LINGO2: variants seen among roughly 807,000 people sequenced by gnomAD.
LINGO2 encodes leucine-rich repeat and immunoglobulin-like domain-containing nogo receptor-interacting protein 2.
In LINGO2, 14 loss-of-function variants were observed where a neutral mutation model predicts 30.6. The observed-to-expected ratio is 0.46, with a 90% CI of 0.30 to 0.72. The LOEUF (loss-of-function observed/expected upper bound fraction) is 0.72. LINGO2 is among the 30% of genes least tolerant of loss of function. The probability of loss-of-function intolerance (pLI) is 0.07; values close to 1 mark genes in which losing one functional copy is unlikely to be tolerated. For missense variants in LINGO2, 729 were observed against 751.7 expected, an observed-to-expected ratio of 0.97 and a Z score of 0.35; for synonymous variants, 317 against 288.5, an observed-to-expected ratio of 1.10 and a Z score of -1.00.
intron 1 of LINGO2, among the ~76,000 whole-genome samples, chr9:28,512,895 GTTT>G (rs1820468612): frequency 6.6e-6 from 1 of 151,438 alleles, no homozygotes; most frequent in South Asian, 2.1e-4. Flanking sequence ...TCCTTTTCAT[GTTT>G]TTCTGCCTGC....
intron 1 of LINGO2, among the ~76,000 whole-genome samples, chr9:28,589,088 G>C (rs963894349): frequency 4.6e-5 from 7 of 152,046 alleles, no homozygotes; most frequent in African/African-American, 1.2e-4. Context: ...AGGCCTTTGA[G>C]AAAATTCAAC....
At chr9:29,079,160 C>T in the LINGO2 span, among the ~76,000 whole-genome samples, 6 of 151,596 alleles carry the variant, frequency 4.0e-5, no homozygotes, top group Non-Finnish European at 5.9e-5. Flanking sequence ...AAAAATGCTA[C>T]GGTAGATGTG....
In LINGO2 at chr9:28,100,932, G is replaced by C. The variant is rs142753875; in HGVS notation, c.-86-88527C>G. On this transcript the variant is annotated intron_variant, in intron 4 of 5. Transcript: ENST00000379992. ...CTACATTTTGGCAGTGTATTTTAGAGGGTCATTGCATCGGTCAATATATGA... is the reference window on the plus strand; with the variant it reads ...CTACATTTTGGCAGTGTATTTTAGACGGTCATTGCATCGGTCAATATATGA... 3.0e-4 allele frequency among the ~76,000 whole-genome samples: 46 copies of C among 152,216 alleles called. No homozygotes were observed. In the East Asian group the frequency reaches 8.3e-3, roughly 28 times the overall value.
chr9:29,141,141 C>A, the LINGO2 span, among the ~76,000 whole-genome samples: 1 of 151,920 alleles, frequency 6.6e-6, no homozygotes, highest in Admixed American at 6.6e-5. Context: ...AATACAGAAT[C>A]CTGTAATACA....
chr9:28,167,252 A>C (rs2133632320), intron 4 of LINGO2, among the ~76,000 whole-genome samples: 1 of 150,270 alleles, frequency 6.7e-6, no homozygotes, highest in African/African-American at 2.4e-5. Context: ...ATGCTCTGTT[A>C]GGGATCCCCA....
the LINGO2 span, among the ~76,000 whole-genome samples, chr9:28,771,326 C>A: frequency 6.6e-6 from 1 of 151,540 alleles, no homozygotes; most frequent in Non-Finnish European, 1.5e-5. Flanking sequence ...AAAGATCTTG[C>A]AACATTGCTC....
At chr9:28,463,245 G>C (rs559517639) in intron 2 of LINGO2, among the ~76,000 whole-genome samples, 1 of 151,972 alleles carries the variant, frequency 6.6e-6, no homozygotes, top group African/African-American at 2.4e-5. Flanking sequence ...TTGTATAGGA[G>C]AGCTTAGCCA....
the LINGO2 span, among the ~76,000 whole-genome samples, chr9:28,726,644 T>G: frequency 6.6e-6 from 1 of 152,076 alleles, no homozygotes; most frequent in Non-Finnish European, 1.5e-5. Flanking sequence ...CTATAGCAAA[T>G]AAGCAGACAG....
At chr9:28,486,960 C>G (rs968164249) in intron 1 of LINGO2, among the ~76,000 whole-genome samples, 87 of 151,902 alleles carry the variant, frequency 5.7e-4, no homozygotes, top group Non-Finnish European at 2.9e-4. Flanking sequence ...GAGTGCCAAG[C>G]AGAGACAGCG....
chr9:28,185,758 G>A (rs1819518701), intron 4 of LINGO2, among the ~76,000 whole-genome samples: 1 of 152,102 alleles, frequency 6.6e-6, no homozygotes, highest in South Asian at 2.1e-4. Flanking sequence ...CAGTCCAGGA[G>A]AATGATATGG....
At chr9:28,832,255 C>T in the LINGO2 span, among the ~76,000 whole-genome samples, 1 of 152,148 alleles carries the variant, frequency 6.6e-6, no homozygotes, top group African/African-American at 2.4e-5. Context: ...ATTTATCTGA[C>T]TTAATGAAAA....
the LINGO2 span, among the ~76,000 whole-genome samples, chr9:28,979,083 T>A: frequency 6.6e-6 from 1 of 152,114 alleles, no homozygotes; most frequent in Non-Finnish European, 1.5e-5. Context: ...CTCTTTTGTT[T>A]TTAATCTTTT....
chr9:29,178,394 T>C, the LINGO2 span, among the ~76,000 whole-genome samples: 6 of 152,174 alleles, frequency 3.9e-5, no homozygotes, highest in African/African-American at 1.2e-4. Flanking sequence ...CTTGAATTTA[T>C]TTATACATTC....
chr9:29,058,781 AAC>A, the LINGO2 span, among the ~76,000 whole-genome samples: 1 of 151,998 alleles, frequency 6.6e-6, no homozygotes, highest in African/African-American at 2.4e-5. Flanking sequence ...CTTCTCATCA[AAC>A]ACAACGTAAC....
At chr9:28,943,648 T>C in the LINGO2 span, among the ~76,000 whole-genome samples, 1 of 152,058 alleles carries the variant, frequency 6.6e-6, no homozygotes, top group African/African-American at 2.4e-5. Flanking sequence ...ACAATGCACA[T>C]GCATGAAAGG....
chr9:28,694,951 T>A, the LINGO2 span, among the ~76,000 whole-genome samples: 2 of 144,566 alleles, frequency 1.4e-5, no homozygotes, highest in Non-Finnish European at 3.0e-5. Flanking sequence ...TTATCCTGAC[T>A]GTTTTTTTTT....
intron 4 of LINGO2, among the ~76,000 whole-genome samples, chr9:28,109,156 C>A (rs577613441): frequency 1.3e-5 from 2 of 152,322 alleles, no homozygotes; most frequent in Admixed American, 6.5e-5. Flanking sequence ...ACATGATCAT[C>A]TCAATAGATG....
At chr9:28,362,517 C>G (rs1438750561) in intron 3 of LINGO2, among the ~76,000 whole-genome samples, 1 of 151,178 alleles carries the variant, frequency 6.6e-6, no homozygotes, top group Non-Finnish European at 1.5e-5. Flanking sequence ...TTTGCCCAGG[C>G]TGGAGTGCAA....
At chr9:28,848,069 A>ATGTT in the LINGO2 span, among the ~76,000 whole-genome samples, 1 of 43,494 alleles carries the variant, frequency 2.3e-5, no homozygotes, top group African/African-American at 1.0e-4. Flanking sequence ...ATATGTATAT[A>ATGTT]ATATATATAT....
Sources: gnomAD v4.1 joint callset for allele counts (sites outside exome capture counted in the v4.1 genomes callset) on GRCh38, gnomAD v4.1.1 for gene constraint, MANE v1.5 for transcripts, NCBI Gene and HGNC (gene_info 2026-07-23, HGNC 2026-07-21) for gene names.